The following AGAP1 variants were observed in gnomAD, a reference collection of about 807,000 sequenced individuals.
AGAP1 encodes the protein arf-GAP with GTPase, ANK repeat and PH domain-containing protein 1.
In AGAP1, 29 loss-of-function variants were observed where a neutral mutation model predicts 105.3. That is an observed-to-expected ratio of 0.28 (90% CI 0.21 to 0.38). The LOEUF (loss-of-function observed/expected upper bound fraction) is 0.38. AGAP1 is among the 10% of genes least tolerant of loss of function. The pLI is 1.00. For missense variants in AGAP1, 998 were observed against 1,165.1 expected, an observed-to-expected ratio of 0.86 and a Z score of 2.09; for synonymous variants, 509 against 485.9, an observed-to-expected ratio of 1.05 and a Z score of -0.63.
chr2:235,826,890 A>C (rs1959100573), intron 9 of AGAP1, among the ~76,000 whole-genome samples: 1 of 152,170 alleles, frequency 6.6e-6, no homozygotes, highest in Non-Finnish European at 1.5e-5. Context: ...ACAGCCTCCA[A>C]AGCAATGATT....
At chr2:235,790,880 T>A (rs1407566200) in intron 6 of AGAP1, among the ~76,000 whole-genome samples, 1 of 152,198 alleles carries the variant, frequency 6.6e-6, no homozygotes, top group Non-Finnish European at 1.5e-5. Context: ...CTGACTGTAC[T>A]CTTTAGTAGA....
chr2:235,741,084 T>C lies in AGAP1; in HGVS notation c.396+36T>C, dbSNP rs780931134. ...ATGCATGCCCCAAGCCTGCTTTTTT[T>C]CCCTTTGTTTTCTAAGGTTTGATTC... On this transcript the variant is annotated intron_variant, in intron 4 of 17. Coordinates refer to ENST00000304032, the MANE Select transcript of AGAP1 (RefSeq NM_001037131.3). The surrounding 1 kb of genome is among the most constrained non-coding windows in gnomAD (Gnocchi z 4.9). 6.0e-6 allele frequency: 9 copies of C among 1,500,210 alleles called. No homozygotes were observed. Among genetic ancestry groups the C allele is most frequent in the African/African-American group, 1.4e-5 (1 of 72,828 alleles). The allele number at this position is 1,500,210 out of a possible 1,614,324, so 92.9% of individuals were successfully genotyped here. A position where few individuals can be genotyped will look rare whatever the true frequency, so the allele number is the denominator to read the frequency against.
At chr2:235,933,134 C>T (rs1006086104) in intron 12 of AGAP1, among the ~76,000 whole-genome samples, 22 of 152,072 alleles carry the variant, frequency 1.4e-4, no homozygotes, top group African/African-American at 5.1e-4. Flanking sequence ...TTGTGCAGGT[C>T]GTTTAAGGAT....
rs10183614 is a variant in AGAP1 at position 235,780,049 on chromosome 2, T to C, written c.674-17710T>C. 9.8e-3 allele frequency among the ~76,000 whole-genome samples: 1,494 copies of C among 152,298 alleles called. 26 individuals are homozygous for C. Among genetic ancestry groups the C allele is most frequent in the African/African-American group, 0.034 (1,427 of 41,556 alleles). ...GCGGTTCATGCAAGACCTGGAGTGA[T>C]GGTATCACCACGTTAGCCTAAAAGA... On this transcript the variant is annotated intron_variant, in intron 6 of 17. Transcript: ENST00000304032.
chr2:235,747,459 G>C lies in AGAP1; in HGVS notation c.538+2620G>C, dbSNP rs1447378420. On this transcript the variant is annotated intron_variant, in intron 5 of 17. Coordinates refer to ENST00000304032, the MANE Select transcript of AGAP1 (RefSeq NM_001037131.3). This position sits in a 1 kb window ranked among gnomAD's most constrained non-coding sequence, Gnocchi z 5.0. ...ACACCCTCCCGGGGTGAACAGGTAA[G>C]CTGGCCCCACGCCCTCCCGGGGTGA... Among the ~76,000 whole-genome samples, 1 of 152,060 alleles carries C rather than the reference G, an allele frequency of 6.6e-6. No individual in the cohort carries two copies. The highest frequency in any genetic ancestry group is 2.4e-5 in the African/African-American group (1 of 41,406).
In AGAP1 at chr2:235,883,242, T is replaced by G; in HGVS notation, c.1051-103T>G. ...CATTCGCCAGTATCACAGAGTGAAG[T>G]TCTGCACACACACAGAACTTGAATG... On this transcript the variant is annotated intron_variant, in intron 9 of 17. Coordinates refer to ENST00000304032, the MANE Select transcript of AGAP1 (RefSeq NM_001037131.3). The surrounding 1 kb of genome is among the most constrained non-coding windows in gnomAD (Gnocchi z 4.5). 1.1e-6 allele frequency: 1 copy of G among 916,366 alleles called. No homozygotes were observed. The highest frequency in any genetic ancestry group is 1.7e-6 in the Non-Finnish European group (1 of 577,280). The allele number at this position is 916,366 out of a possible 1,614,324, so 56.8% of individuals were successfully genotyped here. A position where few individuals can be genotyped will look rare whatever the true frequency, so the allele number is the denominator to read the frequency against.
chr2:235,784,401 C>A (rs1559483709), intron 6 of AGAP1, among the ~76,000 whole-genome samples: 1 of 152,106 alleles, frequency 6.6e-6, no homozygotes, highest in Non-Finnish European at 1.5e-5. Flanking sequence ...CAGCAGATTA[C>A]AGATTCAAAA....
At chr2:235,543,717 A>G (rs1013497824) in intron 1 of AGAP1, among the ~76,000 whole-genome samples, 5 of 152,170 alleles carry the variant, frequency 3.3e-5, no homozygotes, top group Non-Finnish European at 5.9e-5. Flanking sequence ...CTGCAGGCCT[A>G]GGAGGCTGGG....
intron 3 of AGAP1, among the ~76,000 whole-genome samples, chr2:235,718,785 T>C (rs1286123318): frequency 6.6e-6 from 1 of 152,174 alleles, no homozygotes; most frequent in East Asian, 1.9e-4. Context: ...TTAGAGGTGA[T>C]AATGAAGGCT....
Position 235,750,257 on chromosome 2 carries a change from C to G in AGAP1, c.539-97C>G. ...GATTCATAAACTAATTACATTTCTG[C>G]TGAGTAAGGTACTGGTTTTCCGTGT... On this transcript the variant is annotated intron_variant, in intron 5 of 17. Coordinates refer to ENST00000304032, the MANE Select transcript of AGAP1 (RefSeq NM_001037131.3). This position sits in a 1 kb window ranked among gnomAD's most constrained non-coding sequence, Gnocchi z 5.3. The G allele has an allele frequency of 1.3e-6, 2 of 1,520,582 alleles. No individual in the cohort carries two copies. The highest frequency in any genetic ancestry group is 1.8e-6 in the Non-Finnish European group (2 of 1,107,148). The allele number at this position is 1,520,582 out of a possible 1,614,324, so 94.2% of individuals were successfully genotyped here.
chr2:235,974,141 G>T (rs2054766128), intron 13 of AGAP1, among the ~76,000 whole-genome samples: 1 of 152,190 alleles, frequency 6.6e-6, no homozygotes, highest in Non-Finnish European at 1.5e-5. Context: ...CAGTGAAAAG[G>T]CTGAAGTAGA....
intron 16 of AGAP1, among the ~76,000 whole-genome samples, chr2:236,093,781 C>G (rs1436227371): frequency 1.6e-5 from 2 of 123,748 alleles, no homozygotes; most frequent in Non-Finnish European, 3.1e-5. Flanking sequence ...TGAAATCTCT[C>G]AAGTCTGAAA....
rs1386654262 is a variant in AGAP1, at chr2:235,754,550, C to T, written c.673+4062C>T. 6.6e-6 allele frequency among the ~76,000 whole-genome samples: 1 copy of T among 152,168 alleles called. No individual in the cohort carries two copies. Among genetic ancestry groups the T allele is most frequent in the African/African-American group, 2.4e-5 (1 of 41,450 alleles). Reference sequence around the variant, plus strand: ...TTCTTTCTTCTCCAACATTTGACTTCTTAGTGTCTTGTAACAAAAGGACAT... The same window carrying T: ...TTCTTTCTTCTCCAACATTTGACTTTTTAGTGTCTTGTAACAAAAGGACAT... On this transcript the variant is annotated intron_variant, in intron 6 of 17. Transcript: ENST00000304032. This position sits in a 1 kb window ranked among gnomAD's most constrained non-coding sequence, Gnocchi z 4.6.
At chr2:235,647,063 G>T (rs1052008127) in intron 1 of AGAP1, among the ~76,000 whole-genome samples, 4 of 151,536 alleles carry the variant, frequency 2.6e-5, no homozygotes, top group African/African-American at 9.7e-5. Context: ...GTGAACCTGG[G>T]AGGTGGAGCT....
At position 235,551,293 on chromosome 2, in the gene AGAP1, G is replaced by A. The variant is rs113314703; in HGVS notation, c.163+56444G>A. On this transcript the variant is annotated intron_variant, in intron 1 of 17. Coordinates refer to ENST00000304032, the MANE Select transcript of AGAP1 (RefSeq NM_001037131.3). This position sits in a 1 kb window ranked among gnomAD's most constrained non-coding sequence, Gnocchi z 4.8. ...CTTGAGTTGATTCTGAAAGGGTGAG[G>A]AGAGAGGGGCTAGACAGATTTTTTT... Among the ~76,000 whole-genome samples, 61 of 151,698 alleles carry A rather than the reference G, an allele frequency of 4.0e-4. 1 individual carries two copies. Among genetic ancestry groups the A allele is most frequent in the African/African-American group, 1.4e-3 (56 of 41,032 alleles).
chr2:235,505,164 T>C lies in AGAP1; in HGVS notation c.163+10315T>C, dbSNP rs139984320. Among the ~76,000 whole-genome samples the C allele has an allele frequency of 4.6e-3, 694 of 152,374 alleles. 7 individuals are homozygous for C. Among genetic ancestry groups the C allele is most frequent in the Non-Finnish European group, 6.9e-3 (470 of 68,038 alleles). ...TGTATGTTTGGCCTAAACTGTGTTA[T>C]GGCCTTCATAGTTACGTATTAGCAT... On this transcript the variant is annotated intron_variant, in intron 1 of 17. Coordinates refer to ENST00000304032, the MANE Select transcript of AGAP1 (RefSeq NM_001037131.3).
At position 236,095,550 on chromosome 2, in the gene AGAP1, ACT is replaced by A. The variant is rs1025134342; in HGVS notation, c.2115-24637_2115-24636del. Among the ~76,000 whole-genome samples the A allele has an allele frequency of 7.2e-5, 11 of 151,954 alleles. No individual in the cohort carries two copies. Among genetic ancestry groups the A allele is most frequent in the Admixed American group, 3.3e-4 (5 of 15,228 alleles). On this transcript the variant is annotated intron_variant, in intron 16 of 17. Transcript: ENST00000304032. The surrounding 1 kb of genome is among the most constrained non-coding windows in gnomAD (Gnocchi z 4.1). ...AAAGATTAAAAAATAGGAAAAAAAGACTCTCTAAAAAAATACAAGAAAAAGGG... is the reference window on the plus strand; with the variant it reads ...AAAGATTAAAAAATAGGAAAAAAAGACTCTAAAAAAATACAAGAAAAAGGG...
rs565298150 is a variant in AGAP1 at position 235,544,727 on chromosome 2, C to T, written c.163+49878C>T. On this transcript the variant is annotated intron_variant, in intron 1 of 17. Coordinates refer to ENST00000304032, the MANE Select transcript of AGAP1 (RefSeq NM_001037131.3). ...ATGCTGCCTCTCACAGGAAGCCCTT[C>T]GCCTGAGGCTCTCCCACACTGCAAC... is the stretch of plus-strand genomic sequence containing the variant. Among the ~76,000 whole-genome samples, 6 of 152,288 alleles carry T rather than the reference C, an allele frequency of 3.9e-5. No homozygotes were observed. In the South Asian group the frequency reaches 8.3e-4, roughly 21 times the overall value.
At chr2:235,548,654 CAA>C (rs10643148) in intron 1 of AGAP1, among the ~76,000 whole-genome samples, 6 of 135,176 alleles carry the variant, frequency 4.4e-5, no homozygotes, top group Non-Finnish European at 6.4e-5. Context: ...ACTCCGTCTT[CAA>C]AAAAAAAAAA....
Sources: allele counts gnomAD v4.1 joint callset (sites outside exome capture counted in the v4.1 genomes callset), GRCh38; gene constraint gnomAD v4.1.1; non-coding constraint Gnocchi (gnomAD v3.1); transcripts MANE v1.5; gene names NCBI Gene and HGNC (gene_info 2026-07-23, HGNC 2026-07-21).